The following HYDIN variants were observed in gnomAD, a reference collection of about 807,000 sequenced individuals.
HYDIN encodes the protein HYDIN axonemal central pair apparatus protein.
In HYDIN, 132 loss-of-function variants were observed where a neutral mutation model predicts 403.9. The observed-to-expected ratio is 0.33, with a 90% CI of 0.28 to 0.38. HYDIN has a LOEUF of 0.38. HYDIN is among the 10% of genes least tolerant of loss of function. The pLI, the probability that HYDIN is intolerant of heterozygous loss-of-function variation, is 1.00. For missense variants in HYDIN, 2,827 were observed against 5,009.5 expected, an observed-to-expected ratio of 0.56 and a Z score of 13.15; for synonymous variants, 1,202 against 1,891.7, an observed-to-expected ratio of 0.64 and a Z score of 9.46.
chr16:70,967,784 G>C (rs1319255651), intron 36 of HYDIN, among the ~76,000 whole-genome samples: 2 of 151,888 alleles, frequency 1.3e-5, no homozygotes, highest in African/African-American at 4.8e-5. Flanking sequence ...ATAGGGTTTT[G>C]CTATGTTGCC....
At chr16:71,137,469 T>C in intron 7 of HYDIN, 117 bp from the exon 8 acceptor site, 1 of 589,342 alleles carries the variant, frequency 1.7e-6, no homozygotes, top group East Asian at 2.8e-5. Context: ...GATTTCATTC[T>C]TTCCACTGTA....
intron 1 of HYDIN, among the ~76,000 whole-genome samples, chr16:71,204,244 A>G (rs1343178309): frequency 6.6e-6 from 1 of 152,246 alleles, no homozygotes; most frequent in Non-Finnish European, 1.5e-5. Context: ...TTCTGACAAA[A>G]AAGTAACACC....
intron 72 of HYDIN, among the ~76,000 whole-genome samples, chr16:70,857,430 ACAGT>A (rs1157602908): frequency 1.5e-5 from 1 of 67,142 alleles, no homozygotes; most frequent in Non-Finnish European, 2.6e-5. Context: ...CTAGAAATAA[ACAGT>A]CAGCCCATGC....
intron 1 of HYDIN, among the ~76,000 whole-genome samples, chr16:71,199,480 G>C (rs984612756): frequency 4.6e-5 from 7 of 152,102 alleles, no homozygotes; most frequent in Admixed American, 2.6e-4. Flanking sequence ...GCTCTTCCTT[G>C]AAATTTTCAT....
intron 18 of HYDIN, among the ~76,000 whole-genome samples, chr16:71,051,953 CA>C (rs1196256660): frequency 6.6e-6 from 1 of 151,998 alleles, no homozygotes; most frequent in Non-Finnish European, 1.5e-5. Flanking sequence ...TACCATTCAC[CA>C]AAAGGAACTT....
chr16:70,931,210 G>GTTTTTTTTTT (rs71387550), intron 45 of HYDIN, among the ~76,000 whole-genome samples: 1 of 59,464 alleles, frequency 1.7e-5, no homozygotes, highest in African/African-American at 6.5e-5. Flanking sequence ...TCTTTCTTCT[G>GTTTTTTTTTT]TTTTTTTTTT....
chr16:71,067,974 T>C (rs2082331144), intron 14 of HYDIN, among the ~76,000 whole-genome samples: 1 of 152,010 alleles, frequency 6.6e-6, no homozygotes, highest in Non-Finnish European at 1.5e-5. Context: ...TAAACAGATT[T>C]CAGAACTCAT....
At chr16:70,951,305 A>AGAGAGAGAG (rs1567892563) in intron 41 of HYDIN, among the ~76,000 whole-genome samples, 2 of 151,766 alleles carry the variant, frequency 1.3e-5, no homozygotes, top group African/African-American at 4.9e-5. Flanking sequence ...AGAGAGAGAG[A>AGAGAGAGAG]AACTTCACAA....
intron 42 of HYDIN, 45 bp downstream of exon 42, chr16:70,943,767 G>A (rs368129513): frequency 4.3e-5 from 69 of 1,593,822 alleles, no homozygotes; most frequent in African/African-American, 6.7e-5. Context: ...GGGATGGTGC[G>A]TGAATGCCAA....
chr16:70,931,044 G>C (rs1261884971), intron 45 of HYDIN, among the ~76,000 whole-genome samples: 12 of 151,922 alleles, frequency 7.9e-5, no homozygotes, highest in Admixed American at 2.0e-4. Flanking sequence ...AATCCAAGCA[G>C]ATAAACTGAA....
chr16:70,947,677 G>A (rs1246891069), intron 41 of HYDIN, among the ~76,000 whole-genome samples: 1 of 152,110 alleles, frequency 6.6e-6, no homozygotes, highest in Non-Finnish European at 1.5e-5. Context: ...CAAACAGAGA[G>A]CCAAACCATG....
At chr16:70,961,834 T>C (rs1236356930) in intron 38 of HYDIN, 125 bp downstream of exon 38, 3 of 597,036 alleles carry the variant, frequency 5.0e-6, no homozygotes, top group Non-Finnish European at 8.7e-6. Context: ...GCAGCTGTGG[T>C]GGGCAGGGCA....
intron 15 of HYDIN, chr16:71,066,342 ACTG>A (rs2082263915): frequency 6.5e-6 from 1 of 153,276 alleles, no homozygotes; most frequent in South Asian, 2.0e-4. Context: ...TTGTTTCTGC[ACTG>A]CTATTTATCT....
intron 1 of HYDIN, among the ~76,000 whole-genome samples, chr16:71,225,906 G>T (rs1206968075): frequency 6.6e-6 from 1 of 152,112 alleles, no homozygotes; most frequent in African/African-American, 2.4e-5. Flanking sequence ...ATCATTGAGA[G>T]AAATTAAAGA....
rs2035366892 is a variant in HYDIN at position 70,810,026 on chromosome 16, G to T, written c.14659-19C>A. The T allele has an allele frequency of 1.9e-6, 3 of 1,610,738 alleles. No homozygotes were observed. Among genetic ancestry groups the T allele is most frequent in the Admixed American group, 1.7e-5 (1 of 59,950 alleles). ...ACGTGCCCTGGAAGAGAAAACAGAGGATCCTGTCATGCTGAAAGGCTAATT... is the reference window on the plus strand; with the variant it reads ...ACGTGCCCTGGAAGAGAAAACAGAGTATCCTGTCATGCTGAAAGGCTAATT... On this transcript the variant is annotated intron_variant, in intron 84 of 85. Coordinates refer to ENST00000393567, the MANE Select transcript of HYDIN (RefSeq NM_001270974.2).
intron 11 of HYDIN, among the ~76,000 whole-genome samples, chr16:71,089,391 C>T (rs1313106764): frequency 6.6e-6 from 1 of 151,870 alleles, no homozygotes; most frequent in East Asian, 2.0e-4. Context: ...GCTGTCCTTA[C>T]ACCTAGAGGG....
chr16:71,141,040 G>A (rs191268434), intron 7 of HYDIN, among the ~76,000 whole-genome samples: 8 of 151,708 alleles, frequency 5.3e-5, no homozygotes, highest in African/African-American at 1.4e-4. Flanking sequence ...AACTCAAAAC[G>A]CATTTTAAAA....
At chr16:70,841,278 T>C (rs1290532686) in intron 75 of HYDIN, among the ~76,000 whole-genome samples, 3 of 152,190 alleles carry the variant, frequency 2.0e-5, no homozygotes, top group Non-Finnish European at 4.4e-5. Flanking sequence ...TGTAAATTTA[T>C]CATCTTCAAC....
In HYDIN at chr16:70,803,380, A is replaced by G. The variant is rs1220644445; in HGVS notation, c.*4200T>C. On this transcript the variant is annotated 3_prime_UTR_variant, in exon 86 of 86. Transcript: ENST00000393567. ...CAGTGGTGGTAAAAATAAAGCCCAA[A>G]GGCTACCCTTGCCTTCCACCCTTGT... Among the ~76,000 whole-genome samples, 1 of 152,194 alleles carries G rather than the reference A, an allele frequency of 6.6e-6. No individual in the cohort carries two copies. Among genetic ancestry groups the G allele is most frequent in the Non-Finnish European group, 1.5e-5 (1 of 68,032 alleles).
Sources: allele counts gnomAD v4.1 joint callset (sites outside exome capture counted in the v4.1 genomes callset), GRCh38; gene constraint gnomAD v4.1.1; transcripts MANE v1.5; gene names NCBI Gene and HGNC (gene_info 2026-07-23, HGNC 2026-07-21).